GFOD2: variants seen among roughly 807,000 people sequenced by gnomAD.
GFOD2 encodes the protein glucose-fructose oxidoreductase domain-containing protein 2.
Under a neutral mutation model 24.6 loss-of-function variants are expected in GFOD2, and 9 were observed. The observed-to-expected ratio is 0.37, with a 90% CI of 0.22 to 0.64. The LOEUF (loss-of-function observed/expected upper bound fraction) is 0.64, where lower values mean the gene tolerates loss of function less well. GFOD2 is among the 30% of genes least tolerant of loss of function. GFOD2 has a pLI of 0.65. For missense variants in GFOD2, 476 were observed against 532.5 expected (o/e 0.89, Z 1.04); for synonymous variants, 211 against 224.8 (o/e 0.94, Z 0.55).
intron 1 of GFOD2, among the ~76,000 whole-genome samples, chr16:67,717,054 G>A (rs999760423): frequency 1.3e-5 from 2 of 152,060 alleles, no homozygotes; most frequent in Admixed American, 1.3e-4. Flanking sequence ...GCACCACCAT[G>A]CCCCGATAAT....
At chr16:67,685,399 AG>A (rs773398056) in intron 2 of GFOD2, 57 bp downstream of exon 2, 142 of 1,610,514 alleles carry the variant, frequency 8.8e-5, no homozygotes, top group Admixed American at 6.7e-4. Flanking sequence ...AGTGACCCTC[AG>A]AGGACTGCCC....
intron 1 of GFOD2, among the ~76,000 whole-genome samples, chr16:67,695,082 G>A (rs910748236): frequency 4.9e-5 from 7 of 143,830 alleles, no homozygotes; most frequent in African/African-American, 1.3e-4. Flanking sequence ...AACCTTTGCC[G>A]CTCCGGTTCA....
intron 1 of GFOD2, among the ~76,000 whole-genome samples, chr16:67,687,160 AAAAG>A (rs2053273304): frequency 6.6e-6 from 1 of 151,720 alleles, no homozygotes; most frequent in Admixed American, 6.6e-5. Context: ...AAAAAAAAAA[AAAAG>A]AAAAGAAAAA....
chr16:67,709,178 C>T (rs2142997325), intron 1 of GFOD2, among the ~76,000 whole-genome samples: 1 of 152,048 alleles, frequency 6.6e-6, no homozygotes, highest in Non-Finnish European at 1.5e-5. Flanking sequence ...TGGCACAAAC[C>T]TGTAGTCCCA....
At chr16:67,702,438 C>T (rs1223878983) in intron 1 of GFOD2, among the ~76,000 whole-genome samples, 3 of 151,654 alleles carry the variant, frequency 2.0e-5, no homozygotes, top group African/African-American at 4.8e-5. Context: ...CATGTCACTG[C>T]ACTCCAGCCT....
intron 1 of GFOD2, among the ~76,000 whole-genome samples, chr16:67,692,472 C>G (rs2053321903): frequency 6.6e-6 from 1 of 151,848 alleles, no homozygotes; most frequent in Non-Finnish European, 1.5e-5. Flanking sequence ...CCCAGCTACT[C>G]AGGAGGCTGA....
In GFOD2 at chr16:67,675,175, G is replaced by C. The variant is rs995564540; in HGVS notation, c.1138C>G (p.Leu380Val). The change falls in exon 3 of 3, where the codon CTT becomes GTT. Residue 380 changes from leucine to valine, a missense_variant. Transcript: ENST00000268797. ...CAGGCTCATAGGTTGTTCCGCTGAAGTGCCTCACACAGGTTCTGGTTGGTG... is the reference window on the plus strand; with the variant it reads ...CAGGCTCATAGGTTGTTCCGCTGAACTGCCTCACACAGGTTCTGGTTGGTG... ...PDTNQNLCEA[L>V]QRNNL The C allele has an allele frequency of 8.7e-6, 14 of 1,613,186 alleles. No individual in the cohort carries two copies. Among genetic ancestry groups the C allele is most frequent in the Non-Finnish European group, 1.1e-5 (13 of 1,179,580 alleles).
chr16:67,674,992 A>G lies in GFOD2; in HGVS notation c.*163T>C, dbSNP rs559084882. ...TTGCCACCCTGCAAGTCTGAGGAGC[A>G]GATGAGCCACTGGAGGGGGCGAAGT... On this transcript the variant is annotated 3_prime_UTR_variant, in exon 3 of 3. Transcript: ENST00000268797. The G allele has an allele frequency of 1.9e-4, 142 of 744,374 alleles. 2 individuals are homozygous for G. In the South Asian group the frequency reaches 2.5e-3, roughly 13 times the overall value. 46.1% of individuals were successfully genotyped at this position (744,374 alleles called of 1,614,324 possible). A position where few individuals can be genotyped will look rare whatever the true frequency, so the allele number is the denominator to read the frequency against.
chr16:67,682,647 T>G, intron 2 of GFOD2: 11 of 985,322 alleles, frequency 1.1e-5, no homozygotes, highest in Non-Finnish European at 1.2e-5. Flanking sequence ...TGAAAAGTAT[T>G]ATCTCTGGAA....
intron 1 of GFOD2, among the ~76,000 whole-genome samples, chr16:67,690,954 T>C (rs2003099): frequency 0.3 from 44,866 of 151,772 alleles, 10,116 homozygotes; most frequent in African/African-American, 0.63. Context: ...CCTCCGCCTC[T>C]TGGGTTCAAC....
intron 1 of GFOD2, among the ~76,000 whole-genome samples, chr16:67,708,747 C>CA (rs1195703566): frequency 6.6e-6 from 1 of 152,180 alleles, no homozygotes; most frequent in Non-Finnish European, 1.5e-5. Flanking sequence ...TCCAGCCCCA[C>CA]ACCTTCCAGA....
chr16:67,682,655 G>A (rs932156336), intron 2 of GFOD2: 1 of 985,196 alleles, frequency 1.0e-6, no homozygotes, highest in African/African-American at 1.7e-5. Flanking sequence ...ATTATCTCTG[G>A]AAGGTTAAGT....
rs535652422 is a variant in GFOD2, at chr16:67,676,113, G to A, written c.260-60C>T. On this transcript the variant is annotated intron_variant, in intron 2 of 2. Coordinates refer to ENST00000268797, the MANE Select transcript of GFOD2 (RefSeq NM_030819.4). ...TCAAGGGGGAATCTCCAGCATGTCC[G>A]CCTGCCCTGAGGATTTTGGACTTCT... is the stretch of plus-strand genomic sequence containing the variant. The A allele has an allele frequency of 6.0e-5, 89 of 1,475,282 alleles. 1 individual carries two copies. In the East Asian group the frequency reaches 1.6e-3, roughly 27 times the overall value. The allele number at this position is 1,475,282 out of a possible 1,614,324, so 91.4% of individuals were successfully genotyped here. A position where few individuals can be genotyped will look rare whatever the true frequency, so the allele number is the denominator to read the frequency against.
intron 1 of GFOD2, among the ~76,000 whole-genome samples, chr16:67,701,883 T>C (rs775923925): frequency 6.6e-6 from 1 of 152,028 alleles, no homozygotes; most frequent in Non-Finnish European, 1.5e-5. Flanking sequence ...GCCCGACTGT[T>C]GAGACTTTGG....
chr16:67,682,561 G>A (rs2053235053), intron 2 of GFOD2: 1 of 985,288 alleles, frequency 1.0e-6, no homozygotes, highest in Non-Finnish European at 1.2e-6. Context: ...CTTTAAGGAT[G>A]AAATCGGAGG....
chr16:67,711,856 T>A (rs571748654), intron 1 of GFOD2, among the ~76,000 whole-genome samples: 16 of 152,294 alleles, frequency 1.1e-4, no homozygotes, highest in Middle Eastern at 3.4e-3. Context: ...ATACCCTGCA[T>A]CCAAGAACCT....
At chr16:67,679,912 C>A (rs144632392) in intron 2 of GFOD2, among the ~76,000 whole-genome samples, 8,222 of 149,762 alleles carry the variant, frequency 0.055, 319 homozygotes, top group Middle Eastern at 0.16. Context: ...ACAACAACAA[C>A]AAAAAAAAAC....
At chr16:67,702,198 T>C (rs945455551) in intron 1 of GFOD2, among the ~76,000 whole-genome samples, 6 of 152,058 alleles carry the variant, frequency 3.9e-5, no homozygotes, top group African/African-American at 1.2e-4. Context: ...TACTTAAAAT[T>C]TGGAGGCCGG....
At chr16:67,681,701 G>A in intron 2 of GFOD2, 1 of 984,848 alleles carries the variant, frequency 1.0e-6, no homozygotes, top group Non-Finnish European at 1.2e-6. Context: ...GAGGCACTGA[G>A]CCCAACCCTG....
Sources: gnomAD v4.1 joint callset for allele counts (sites outside exome capture counted in the v4.1 genomes callset) on GRCh38, gnomAD v4.1.1 for gene constraint, MANE v1.5 for transcripts, NCBI Gene and HGNC (gene_info 2026-07-23, HGNC 2026-07-21) for gene names.